The following PRKCE variants were observed in gnomAD, a reference collection of about 807,000 sequenced individuals.
The protein encoded by PRKCE is protein kinase C epsilon type.
In PRKCE, 16 loss-of-function variants were observed where a neutral mutation model predicts 85.4. That is an observed-to-expected ratio of 0.19 (90% CI 0.13 to 0.28). The LOEUF is 0.28. Among genes scored for constraint, PRKCE ranks in the 10% least tolerant of loss-of-function variants. The pLI is 1.00. For synonymous variants in PRKCE, 388 were observed against 371.5 expected, an observed-to-expected ratio of 1.04 and a Z score of -0.51; for missense variants, 573 against 975.2, an observed-to-expected ratio of 0.59 and a Z score of 5.49.
intron 1 of PRKCE, among the ~76,000 whole-genome samples, chr2:45,681,690 T>C (rs1197802128): frequency 6.6e-6 from 1 of 152,192 alleles, no homozygotes; most frequent in Admixed American, 6.5e-5. Context: ...GCTGGGGCTA[T>C]TTCTTGGTAA....
At chr2:45,926,081 C>G (rs1367307712) in intron 2 of PRKCE, among the ~76,000 whole-genome samples, 1 of 152,120 alleles carries the variant, frequency 6.6e-6, no homozygotes, top group African/African-American at 2.4e-5. Flanking sequence ...TTCTACATCC[C>G]AGGAAATGGG....
intron 2 of PRKCE, among the ~76,000 whole-genome samples, chr2:45,921,902 T>C (rs1014129497): frequency 3.9e-5 from 6 of 152,224 alleles, no homozygotes; most frequent in African/African-American, 1.4e-4. Flanking sequence ...TTCTATATTG[T>C]TTTTGATATT....
chr2:46,000,532 T>C (rs560621035), intron 6 of PRKCE, among the ~76,000 whole-genome samples: 1 of 152,020 alleles, frequency 6.6e-6, no homozygotes, highest in Admixed American at 6.5e-5. Context: ...AAGAGCAGAG[T>C]GCTCTGGGCT....
intron 2 of PRKCE, among the ~76,000 whole-genome samples, chr2:45,944,379 A>C (rs1700089843): frequency 6.6e-6 from 1 of 152,242 alleles, no homozygotes. Flanking sequence ...TCTAAGGCAC[A>C]GCTCAGACTG....
intron 2 of PRKCE, among the ~76,000 whole-genome samples, chr2:45,941,469 A>G (rs559977977): frequency 3.9e-5 from 6 of 152,332 alleles, no homozygotes; most frequent in African/African-American, 1.4e-4. Context: ...ACAGACCTAC[A>G]TCAAACCAGG....
chr2:45,712,382 T>A (rs1679739007), intron 1 of PRKCE, among the ~76,000 whole-genome samples: 1 of 152,038 alleles, frequency 6.6e-6, no homozygotes, highest in Non-Finnish European at 1.5e-5. Context: ...CTCGAACTTC[T>A]GACCTCAAGT....
intron 11 of PRKCE, among the ~76,000 whole-genome samples, chr2:46,140,755 A>G (rs1675433636): frequency 6.6e-6 from 1 of 152,158 alleles, no homozygotes; most frequent in Non-Finnish European, 1.5e-5. Context: ...TGGGATAAGT[A>G]TTTGCAATTC....
intron 2 of PRKCE, among the ~76,000 whole-genome samples, chr2:45,899,882 G>T (rs1252243243): frequency 6.6e-6 from 1 of 152,112 alleles, no homozygotes; most frequent in Non-Finnish European, 1.5e-5. Flanking sequence ...TTCATTTCTT[G>T]GTTATATTTC....
intron 2 of PRKCE, among the ~76,000 whole-genome samples, chr2:45,890,167 T>C (rs1695615457): frequency 6.6e-6 from 1 of 152,220 alleles, no homozygotes. Flanking sequence ...ATTTAATCTT[T>C]TCAAGCTTTT....
intron 14 of PRKCE, among the ~76,000 whole-genome samples, chr2:46,160,545 T>C (rs1036482617): frequency 1.3e-5 from 2 of 150,826 alleles, no homozygotes; most frequent in Non-Finnish European, 2.9e-5. Flanking sequence ...AGACTGAAAA[T>C]TGAGGTAGCC....
At position 46,001,284 on chromosome 2, in the gene PRKCE, C is replaced by G. The variant is rs1194660046; in HGVS notation, c.824-120C>G. ...ATATATATATATATTTCTGTATTTT[C>G]CAAATTATATCTTAAATGAACATGT... On this transcript the variant is annotated intron_variant, in intron 6 of 14. Transcript: ENST00000306156. This position sits in a 1 kb window ranked among gnomAD's most constrained non-coding sequence, Gnocchi z 4.4. 2 of 806,456 alleles carry G rather than the reference C, an allele frequency of 2.5e-6. No homozygotes were observed. Among genetic ancestry groups the G allele is most frequent in the Admixed American group, 7.0e-5 (2 of 28,420 alleles). The allele number at this position is 806,456 out of a possible 1,614,324, so 50.0% of individuals were successfully genotyped here. A position where few individuals can be genotyped will look rare whatever the true frequency, so the allele number is the denominator to read the frequency against.
chr2:46,164,301 A>G (rs1678101960), intron 14 of PRKCE, among the ~76,000 whole-genome samples: 1 of 152,358 alleles, frequency 6.6e-6, no homozygotes, highest in Middle Eastern at 3.4e-3. Context: ...AGCAAACACC[A>G]TCAGCCTTGC....
chr2:46,125,457 T>C (rs1193035765), intron 11 of PRKCE, among the ~76,000 whole-genome samples: 1 of 152,150 alleles, frequency 6.6e-6, no homozygotes, highest in South Asian at 2.1e-4. Context: ...AAAAGAGAAA[T>C]ATTTTCTCAA....
intron 2 of PRKCE, among the ~76,000 whole-genome samples, chr2:45,964,571 G>A (rs1033658519): frequency 1.3e-5 from 2 of 152,220 alleles, no homozygotes; most frequent in African/African-American, 4.8e-5. Flanking sequence ...ATGCAGTAAA[G>A]TTCCACCATG....
At chr2:45,911,998 G>A (rs1558824504) in intron 2 of PRKCE, among the ~76,000 whole-genome samples, 1 of 151,912 alleles carries the variant, frequency 6.6e-6, no homozygotes, top group Non-Finnish European at 1.5e-5. Context: ...TGAAAAGCTA[G>A]AAAAAAGTTT....
At chr2:45,789,587 T>C (rs2105077933) in intron 1 of PRKCE, among the ~76,000 whole-genome samples, 1 of 152,284 alleles carries the variant, frequency 6.6e-6, no homozygotes, top group African/African-American at 2.4e-5. Context: ...CTAATGATCA[T>C]GCCACTGCAC....
At chr2:46,052,012 C>G (rs1049364615) in intron 10 of PRKCE, among the ~76,000 whole-genome samples, 26 of 152,068 alleles carry the variant, frequency 1.7e-4, no homozygotes, top group African/African-American at 5.8e-4. Flanking sequence ...CCTGGTTCCT[C>G]CATCAACACC....
At chr2:45,802,666 TC>T (rs1351986636) in intron 1 of PRKCE, among the ~76,000 whole-genome samples, 6 of 152,188 alleles carry the variant, frequency 3.9e-5, no homozygotes, top group African/African-American at 1.4e-4. Flanking sequence ...AATGCTCCAC[TC>T]CGCCCCACTT....
Position 45,668,518 on chromosome 2 carries a change from C to T in PRKCE, c.348+16070C>T, listed in dbSNP as rs1007460463. Among the ~76,000 whole-genome samples the T allele has an allele frequency of 1.2e-4, 19 of 152,266 alleles. 1 individual carries two copies. The highest frequency in any genetic ancestry group is 4.1e-4 in the South Asian group (2 of 4,820). On this transcript the variant is annotated intron_variant, in intron 1 of 14. Transcript: ENST00000306156. ...TGTCATCTCAGTGGTGTGTCCTAGA[C>T]GGATGGTCTTTCTCCTTATAATGAG...
Sources: allele counts gnomAD v4.1 joint callset (sites outside exome capture counted in the v4.1 genomes callset), GRCh38; gene constraint gnomAD v4.1.1; non-coding constraint Gnocchi (gnomAD v3.1); transcripts MANE v1.5; gene names NCBI Gene and HGNC (gene_info 2026-07-23, HGNC 2026-07-21).